FBN2: variants seen among roughly 807,000 people sequenced by gnomAD.
FBN2 encodes fibrillin 2.
A neutral mutation model predicts 355.6 loss-of-function variants in FBN2; 105 were observed. The ratio of observed to expected loss-of-function variants is 0.30; its 90% CI spans 0.25 to 0.35. The LOEUF is 0.35. Among genes scored for constraint, FBN2 ranks in the 10% least tolerant of loss-of-function variants. FBN2 has a pLI of 1.00. For missense variants in FBN2, 3,280 were observed against 3,758.7 expected (o/e 0.87, Z 3.33); for synonymous variants, 1,350 against 1,301.2 (o/e 1.04, Z -0.81).
intron 7 of FBN2, among the ~76,000 whole-genome samples, chr5:128,436,630 A>G (rs1474774868): frequency 6.6e-6 from 1 of 151,958 alleles, no homozygotes; most frequent in Non-Finnish European, 1.5e-5. Flanking sequence ...GAAAAAGTCA[A>G]AAAAGGCTTT....
At chr5:128,280,498 G>C (rs555622685) in intron 55 of FBN2, among the ~76,000 whole-genome samples, 181 bp from the exon 56 acceptor site, 25 of 151,930 alleles carry the variant, frequency 1.6e-4, no homozygotes, top group African/African-American at 6.0e-4. Context: ...TTCTTGGTGG[G>C]TTCTTTCTTA....
chr5:128,420,214 G>A (rs1413662587), intron 7 of FBN2, among the ~76,000 whole-genome samples: 1 of 152,054 alleles, frequency 6.6e-6, no homozygotes, highest in Non-Finnish European at 1.5e-5. Flanking sequence ...CCCATTCCAT[G>A]TTCTTTTTAA....
At chr5:128,505,647 T>C (rs1755937663) in intron 5 of FBN2, among the ~76,000 whole-genome samples, 1 of 152,190 alleles carries the variant, frequency 6.6e-6, no homozygotes, top group South Asian at 2.1e-4. Context: ...TTTGCATCCC[T>C]AGGCAACCAC....
chr5:128,453,508 A>C (rs760721424), intron 6 of FBN2, among the ~76,000 whole-genome samples: 2 of 152,222 alleles, frequency 1.3e-5, no homozygotes, highest in Non-Finnish European at 2.9e-5. Flanking sequence ...CATTGCTTTA[A>C]ATTTCCATTA....
chr5:128,520,426 T>C (rs1202172348), intron 4 of FBN2, among the ~76,000 whole-genome samples: 2 of 152,308 alleles, frequency 1.3e-5, no homozygotes, highest in East Asian at 1.9e-4. Context: ...TAGAGGATTA[T>C]ATTCTATGAC....
intron 11 of FBN2, among the ~76,000 whole-genome samples, chr5:128,386,097 G>C (rs556826763): frequency 6.6e-6 from 1 of 152,130 alleles, no homozygotes; most frequent in African/African-American, 2.4e-5. Context: ...ATCTTTGCCA[G>C]AGCCTATGTC....
At chr5:128,264,748 C>A (rs1173021871) in intron 62 of FBN2, among the ~76,000 whole-genome samples, 1 of 151,982 alleles carries the variant, frequency 6.6e-6, no homozygotes, top group Admixed American at 6.6e-5. Context: ...ATATTTCAGC[C>A]CATGTGGGGA....
At chr5:128,378,354 TGAGGTAGCGCGTTTGGACC>T (rs1752141787) in intron 12 of FBN2, among the ~76,000 whole-genome samples, 1 of 152,108 alleles carries the variant, frequency 6.6e-6, no homozygotes, top group Non-Finnish European at 1.5e-5. Context: ...GAATCAGCAA[TGAGGTAGCGCGTTTGGACC>T]AGGGTGGTGG....
chr5:128,309,368 A>T lies in FBN2; in HGVS notation c.5232T>A (p.Tyr1744Ter). Residue 1744 changes from tyrosine (Y) to a stop codon, truncating the protein, a stop_gained, in exon 41 of 65, where the codon TAT becomes TAA. Coordinates refer to ENST00000262464, the MANE Select transcript of FBN2 (RefSeq NM_001999.4). LOFTEE classifies it high-confidence loss of function. ...DMRKSFCYRS[Y>*]NGTTCENELP... Reference sequence around the variant, plus strand: ...ACTCATTCTCACAAGTGGTTCCATTATAGCTTCGGTAGCAAAAGCTTTTTC... The same window carrying T: ...ACTCATTCTCACAAGTGGTTCCATTTTAGCTTCGGTAGCAAAAGCTTTTTC... 6.2e-7 allele frequency: 1 copy of T among 1,614,076 alleles called. No individual in the cohort carries two copies. The highest frequency in any genetic ancestry group is 8.5e-7 in the Non-Finnish European group (1 of 1,179,924).
chr5:128,260,473 T>C (rs892591329), intron 64 of FBN2, among the ~76,000 whole-genome samples: 9 of 152,132 alleles, frequency 5.9e-5, no homozygotes, highest in Non-Finnish European at 1.0e-4. Context: ...CACAAATATA[T>C]CAAAGTAAGA....
intron 51 of FBN2, 95 bp downstream of exon 51, chr5:128,289,787 G>C: frequency 2.7e-6 from 2 of 750,754 alleles, no homozygotes; most frequent in East Asian, 5.4e-5. Flanking sequence ...TATACTATAT[G>C]TTACATAGTA....
intron 36 of FBN2, among the ~76,000 whole-genome samples, chr5:128,314,864 G>A (rs1750157982): frequency 6.6e-6 from 1 of 151,916 alleles, no homozygotes; most frequent in South Asian, 2.1e-4. Flanking sequence ...TTCTAGTCAT[G>A]CTTGTTCTGT....
At position 128,464,776 on chromosome 5, in the gene FBN2, A is replaced by C. The variant is rs1754661868; in HGVS notation, c.774T>G (p.Pro258=). The part of the protein sequence containing the change: ...GHPCEMCPAQ[P]QPCRRGFIPN... ...GGATGAAACCCCGTCGGCAGGGCTG[A>C]GGCTGGGCTGGACACATCTCACAGG... Residue 258 remains proline, a synonymous_variant, in exon 6 of 65, where the codon CCT becomes CCG. Transcript: ENST00000262464. 4 of 1,614,176 alleles carry C rather than the reference A, an allele frequency of 2.5e-6. No homozygotes were observed. Among genetic ancestry groups the C allele is most frequent in the East Asian group, 2.2e-5 (1 of 44,876 alleles).
intron 5 of FBN2, among the ~76,000 whole-genome samples, chr5:128,491,961 A>C (rs968485567): frequency 6.6e-6 from 1 of 152,084 alleles, no homozygotes. Context: ...ATGATCTATA[A>C]ATTCTCTTTA....
At chr5:128,319,893 T>TGA (rs1266427756) in intron 34 of FBN2, among the ~76,000 whole-genome samples, 1 of 152,220 alleles carries the variant, frequency 6.6e-6, no homozygotes, top group Non-Finnish European at 1.5e-5. Flanking sequence ...CCTAACACTC[T>TGA]GAGAATGCAG....
intron 5 of FBN2, among the ~76,000 whole-genome samples, chr5:128,474,576 G>A (rs1754959737): frequency 6.6e-6 from 1 of 152,162 alleles, no homozygotes; most frequent in South Asian, 2.1e-4. Flanking sequence ...TATGGTGGCT[G>A]CCATGAAAAT....
At chr5:128,392,687 G>A (rs1413374034) in intron 10 of FBN2, among the ~76,000 whole-genome samples, 4 of 152,204 alleles carry the variant, frequency 2.6e-5, no homozygotes, top group Admixed American at 2.6e-4. Flanking sequence ...GATCTGCACA[G>A]AGCAAGATAT....
intron 34 of FBN2, among the ~76,000 whole-genome samples, chr5:128,323,214 T>C (rs1750436132): frequency 6.6e-6 from 1 of 152,230 alleles, no homozygotes; most frequent in African/African-American, 2.4e-5. Context: ...CAGATACAAT[T>C]TGACTTCCTC....
chr5:128,492,408 T>C (rs1157031934), intron 5 of FBN2, among the ~76,000 whole-genome samples: 3 of 152,220 alleles, frequency 2.0e-5, no homozygotes, highest in Non-Finnish European at 2.9e-5. Context: ...AGCACACCTA[T>C]TCTGCACAAA....
Sources: gnomAD v4.1 joint callset for allele counts (sites outside exome capture counted in the v4.1 genomes callset) on GRCh38, gnomAD v4.1.1 for gene constraint, MANE v1.5 for transcripts, NCBI Gene and HGNC (gene_info 2026-07-23, HGNC 2026-07-21) for gene names.